SASH1: variants seen among roughly 807,000 people sequenced by gnomAD.
The protein encoded by SASH1 is SAM and SH3 domain containing 1.
SASH1 carries 44 observed loss-of-function variants against 125.2 expected under a neutral mutation model. The observed-to-expected ratio is 0.35, with a 90% CI of 0.28 to 0.45. SASH1 has a LOEUF of 0.45. Ranked by LOEUF, SASH1 falls within the 20% of genes least tolerant of loss-of-function variation. The pLI is 1.00. For missense variants in SASH1, 1,426 were observed against 1,614.5 expected (o/e 0.88, Z 2.00); for synonymous variants, 639 against 649.1 (o/e 0.98, Z 0.24).
chr6:148,437,983 G>A (rs1346775007), intron 2 of SASH1, among the ~76,000 whole-genome samples: 1 of 152,116 alleles, frequency 6.6e-6, no homozygotes, highest in Non-Finnish European at 1.5e-5. Context: ...AATAAAAGAA[G>A]ATCGTTTCCT....
At chr6:148,428,101 T>C (rs761387857) in intron 2 of SASH1, among the ~76,000 whole-genome samples, 1 of 152,226 alleles carries the variant, frequency 6.6e-6, no homozygotes, top group Non-Finnish European at 1.5e-5. Context: ...TAACTGATCA[T>C]GTTGTCTGTC....
the SASH1 span, among the ~76,000 whole-genome samples, chr6:148,218,026 A>T: frequency 0.042 from 6,390 of 151,136 alleles, 183 homozygotes; most frequent in East Asian, 0.11. Flanking sequence ...AAAAAAAAAA[A>T]ATAAATAAAA....
chr6:148,308,271 T>TTCG (rs1554232483), intron 1 of SASH1, among the ~76,000 whole-genome samples: 2 of 138,000 alleles, frequency 1.4e-5, no homozygotes, highest in African/African-American at 2.7e-5. Flanking sequence ...AGATATTAAA[T>TTCG]CCGCCCCCCC....
At chr6:148,464,905 C>A (rs559314185) in intron 4 of SASH1, among the ~76,000 whole-genome samples, 4 of 152,176 alleles carry the variant, frequency 2.6e-5, no homozygotes, top group Admixed American at 2.6e-4. Flanking sequence ...CTCACCACAG[C>A]AAGATGAATA....
intron 1 of SASH1, among the ~76,000 whole-genome samples, chr6:148,349,127 A>T (rs375348196): frequency 6.6e-6 from 1 of 151,884 alleles, no homozygotes; most frequent in African/African-American, 2.4e-5. Flanking sequence ...GATCTCCCAG[A>T]TCTGGGTGCT....
At chr6:148,356,494 CTTTTT>C (rs57183555) in intron 1 of SASH1, among the ~76,000 whole-genome samples, 69 of 116,244 alleles carry the variant, frequency 5.9e-4, no homozygotes, top group African/African-American at 9.0e-4. Flanking sequence ...ACTTTTAGTT[CTTTTT>C]TTTTTTTTTT....
At chr6:148,318,250 G>T (rs1780531664) in intron 1 of SASH1, among the ~76,000 whole-genome samples, 1 of 152,180 alleles carries the variant, frequency 6.6e-6, no homozygotes, top group Non-Finnish European at 1.5e-5. Context: ...TGTTTTGCCA[G>T]GCAATGAATA....
intron 1 of SASH1, among the ~76,000 whole-genome samples, chr6:148,371,190 T>C (rs1269801452): frequency 6.6e-6 from 1 of 152,162 alleles, no homozygotes; most frequent in Non-Finnish European, 1.5e-5. Context: ...TGGGCTAATA[T>C]TTAAGAGAAA....
At chr6:148,524,121 A>ATATATTT (rs1193506716) in intron 10 of SASH1, among the ~76,000 whole-genome samples, 4 of 128,610 alleles carry the variant, frequency 3.1e-5, no homozygotes, top group Non-Finnish European at 4.9e-5. Flanking sequence ...ATATATATAT[A>ATATATTT]TTTTTTTTAA....
At chr6:148,278,993 CT>C (rs1002394114) in intron 1 of SASH1, among the ~76,000 whole-genome samples, 476 of 143,542 alleles carry the variant, frequency 3.3e-3, no homozygotes, top group Middle Eastern at 3.6e-3. Flanking sequence ...GCAAATGAAT[CT>C]TTTTTTTTTT....
intron 2 of SASH1, among the ~76,000 whole-genome samples, chr6:148,412,471 A>G (rs1445611147): frequency 6.6e-6 from 1 of 152,214 alleles, no homozygotes; most frequent in African/African-American, 2.4e-5. Flanking sequence ...TCGTTTTTCA[A>G]CTTAGAATTT....
At chr6:148,446,088 C>CTTTTTTTTTTTTTTTTTTTTTTT (rs576798745) in intron 4 of SASH1, among the ~76,000 whole-genome samples, 4 of 71,002 alleles carry the variant, frequency 5.6e-5, no homozygotes, top group Admixed American at 2.0e-4. Flanking sequence ...ACATAGGGTT[C>CTTTTTTTTTTTTTTTTTTTTTTT]TTTTTTTTTT....
chr6:148,493,409 C>T (rs1484773352), intron 8 of SASH1, among the ~76,000 whole-genome samples: 1 of 152,196 alleles, frequency 6.6e-6, no homozygotes, highest in Non-Finnish European at 1.5e-5. Flanking sequence ...AATTCAGCCA[C>T]CACGGGTTAT....
At chr6:148,202,778 A>G in the SASH1 span, among the ~76,000 whole-genome samples, 2,757 of 152,254 alleles carry the variant, frequency 0.018, 36 homozygotes, top group East Asian at 0.059. Context: ...ACGTGGCGAA[A>G]TTCTGTCTCT....
chr6:148,412,314 G>A (rs1476123163), intron 2 of SASH1, among the ~76,000 whole-genome samples: 1 of 151,980 alleles, frequency 6.6e-6, no homozygotes, highest in Non-Finnish European at 1.5e-5. Context: ...TCTATTCCTG[G>A]TAATAGTAGC....
At chr6:148,208,044 A>G in the SASH1 span, among the ~76,000 whole-genome samples, 1 of 152,148 alleles carries the variant, frequency 6.6e-6, no homozygotes, top group East Asian at 1.9e-4. Context: ...CACGTGGATG[A>G]CCACCCATCC....
intron 2 of SASH1, among the ~76,000 whole-genome samples, chr6:148,407,766 G>A (rs915645846): frequency 3.3e-5 from 5 of 152,138 alleles, no homozygotes; most frequent in Admixed American, 3.3e-4. Flanking sequence ...CCGAGTAGCT[G>A]GGACTACAGG....
intron 1 of SASH1, among the ~76,000 whole-genome samples, chr6:148,293,428 G>A (rs560226432): frequency 6.6e-6 from 1 of 152,340 alleles, no homozygotes; most frequent in Non-Finnish European, 1.5e-5. Context: ...CTTCCCTTCT[G>A]AATGGAAGTG....
At chr6:148,308,394 G>A (rs1780201388) in intron 1 of SASH1, among the ~76,000 whole-genome samples, 1 of 144,174 alleles carries the variant, frequency 6.9e-6, no homozygotes, top group South Asian at 2.4e-4. Flanking sequence ...AAAAACTTAG[G>A]AGCTTTTTTT....
Sources: gnomAD v4.1 joint callset for allele counts (sites outside exome capture counted in the v4.1 genomes callset) on GRCh38, gnomAD v4.1.1 for gene constraint, MANE v1.5 for transcripts, NCBI Gene and HGNC (gene_info 2026-07-23, HGNC 2026-07-21) for gene names.